COL11A1: variants seen among roughly 807,000 people sequenced by gnomAD.
The protein encoded by COL11A1 is collagen alpha-1(XI) chain.
Under a neutral mutation model 265.2 loss-of-function variants are expected in COL11A1, and 74 were observed. The ratio of observed to expected loss-of-function variants is 0.28; its 90% confidence interval spans 0.23 to 0.34. The LOEUF (loss-of-function observed/expected upper bound fraction) is 0.34, where lower values mean the gene tolerates loss of function less well. Ranked by LOEUF, COL11A1 falls within the 10% of genes least tolerant of loss-of-function variation. COL11A1 has a pLI of 1.00. For synonymous variants in COL11A1, 816 were observed against 727.6 expected (o/e 1.12, Z -1.96); for missense variants, 2,165 against 2,263.6 (o/e 0.96, Z 0.88).
Position 102,986,225 on chromosome 1 carries a change from T to G in COL11A1, c.2502+1408A>C, listed in dbSNP as rs1663528294. 2.0e-5 allele frequency among the ~76,000 whole-genome samples: 3 copies of G among 151,966 alleles called. No homozygotes were observed. In the East Asian group the frequency reaches 5.8e-4, roughly 29 times the overall value. ...GTGGCACATATACACCATGGAATAC[T>G]ATGCAGCCATAAAAATGATGAGTTC... On this transcript the variant is annotated intron_variant, in intron 30 of 66. Coordinates refer to ENST00000370096, the MANE Select transcript of COL11A1 (RefSeq NM_001854.4).
chr1:103,078,833 C>G lies in COL11A1; in HGVS notation c.313G>C (p.Val105Leu). ...FPEDFSILFT[V>L]KPKKGIQSFL... ...GACTGAATTCCTTTTTTTGGTTTTACTGTAAATAGTATTGAAAAGTCTTCT... is the reference window on the plus strand; with the variant it reads ...GACTGAATTCCTTTTTTTGGTTTTAGTGTAAATAGTATTGAAAAGTCTTCT... The change falls in exon 3 of 67, where the codon GTA becomes CTA. Residue 105 changes from valine (V) to leucine (L), a missense_variant. By Grantham distance (32) the Val-to-Leu change is conservative. Coordinates refer to ENST00000370096, the MANE Select transcript of COL11A1 (RefSeq NM_001854.4). The G allele has an allele frequency of 6.2e-7, 1 of 1,611,632 alleles. No homozygotes were observed. Among genetic ancestry groups the G allele is most frequent in the Non-Finnish European group, 8.5e-7 (1 of 1,178,432 alleles).
chr1:102,983,544 T>C (rs1406236128), intron 31 of COL11A1, among the ~76,000 whole-genome samples: 1 of 152,012 alleles, frequency 6.6e-6, no homozygotes, highest in Non-Finnish European at 1.5e-5. Flanking sequence ...AGCCAAGGAA[T>C]GCCTGGGGCC....
chr1:102,920,439 G>T, intron 48 of COL11A1, 75 bp from the exon 49 acceptor site: 1 of 1,317,476 alleles, frequency 7.6e-7, no homozygotes, highest in Non-Finnish European at 1.1e-6. Flanking sequence ...ATGTCTAGTT[G>T]TTCTCAAAAA....
intron 14 of COL11A1, among the ~76,000 whole-genome samples, chr1:103,010,902 G>A (rs1326648414): frequency 6.6e-6 from 1 of 152,070 alleles, no homozygotes; most frequent in Non-Finnish European, 1.5e-5. Context: ...GTTTCTCCAT[G>A]TTGGTCAGGC....
In COL11A1 at chr1:103,022,948, C is replaced by T. The variant is rs199942159; in HGVS notation, c.1039G>A (p.Asp347Asn). The change falls in exon 8 of 67, where the codon GAT (aspartate) becomes AAT (asparagine). Residue 347 changes from aspartate to asparagine, a missense_variant. By Grantham distance (23) the Asp-to-Asn change is conservative (BLOSUM62 1). Coordinates refer to ENST00000370096, the MANE Select transcript of COL11A1 (RefSeq NM_001854.4). ...GAATTTTTCCTCTGGGAATCATAAT[C>T]CTCTCCCGTTAGATATTCTTCAGTA... Reference protein sequence around the residue: ...IFTEEYLTGEDYDSQRKNSED... With the variant: ...IFTEEYLTGENYDSQRKNSED... 115 of 1,613,388 alleles carry T rather than the reference C, an allele frequency of 7.1e-5. No individual in the cohort carries two copies. Among genetic ancestry groups the T allele is most frequent in the Middle Eastern group, 6.6e-4 (4 of 6,054 alleles).
chr1:103,090,312 G>T (rs1470528543), intron 1 of COL11A1, among the ~76,000 whole-genome samples: 1 of 152,034 alleles, frequency 6.6e-6, no homozygotes, highest in African/African-American at 2.4e-5. Flanking sequence ...ACAGAAGAAA[G>T]TTCTCAGCCA....
At chr1:102,900,212 T>TA (rs1653013991) in intron 54 of COL11A1, among the ~76,000 whole-genome samples, 1 of 152,008 alleles carries the variant, frequency 6.6e-6, no homozygotes, top group Admixed American at 6.6e-5. Flanking sequence ...AACCCAAAGA[T>TA]AAAAAATGTA....
intron 45 of COL11A1, 67 bp from the exon 46 acceptor site, chr1:102,934,623 T>A: frequency 7.9e-7 from 1 of 1,263,886 alleles, no homozygotes; most frequent in Middle Eastern, 1.9e-4. Flanking sequence ...CATTAAAAAA[T>A]GTGGCCATTT....
At chr1:102,889,641 T>C in intron 58 of COL11A1, 79 bp from the exon 59 acceptor site, 1 of 1,023,476 alleles carries the variant, frequency 9.8e-7, no homozygotes, top group Admixed American at 1.9e-5. Flanking sequence ...TATTTGCACA[T>C]TAAATTTCTA....
intron 46 of COL11A1, among the ~76,000 whole-genome samples, chr1:102,931,669 A>T (rs1657463177): frequency 1.3e-5 from 2 of 151,724 alleles, no homozygotes; most frequent in Non-Finnish European, 2.9e-5. Context: ...TGTCTCGTTG[A>T]TCTGTCTAAT....
chr1:103,057,390 AT>A (rs1330675360), intron 4 of COL11A1, among the ~76,000 whole-genome samples: 4 of 152,152 alleles, frequency 2.6e-5, no homozygotes, highest in Admixed American at 2.6e-4. Flanking sequence ...CCGCATCGGC[AT>A]TGACTTCCCT....
intron 14 of COL11A1, among the ~76,000 whole-genome samples, chr1:103,010,703 AT>A (rs750645755): frequency 0.046 from 6,676 of 144,536 alleles, 223 homozygotes; most frequent in African/African-American, 0.098. Flanking sequence ...ATATTTGTAA[AT>A]TTTTTTTTTT....
intron 65 of COL11A1, 86 bp from the exon 66 acceptor site, chr1:102,880,002 G>T: frequency 3.4e-6 from 3 of 888,652 alleles, no homozygotes; most frequent in Non-Finnish European, 5.5e-6. Context: ...ACAGTGAACT[G>T]TGATGCCAGA....
chr1:102,905,894 CAAA>C (rs1653920480), intron 54 of COL11A1, among the ~76,000 whole-genome samples: 1 of 152,060 alleles, frequency 6.6e-6, no homozygotes, highest in Non-Finnish European at 1.5e-5. Context: ...CTGCTGAACT[CAAA>C]CAACAAAGCA....
At chr1:103,039,630 G>T (rs1409074040) in intron 4 of COL11A1, among the ~76,000 whole-genome samples, 2 of 152,004 alleles carry the variant, frequency 1.3e-5, no homozygotes, top group African/African-American at 2.4e-5. Context: ...CTGGATCTTG[G>T]ACTGGTAGCC....
intron 28 of COL11A1, among the ~76,000 whole-genome samples, chr1:102,993,080 C>T (rs1442109651): frequency 6.6e-6 from 1 of 152,106 alleles, no homozygotes; most frequent in Admixed American, 6.6e-5. Context: ...TTAACAACAT[C>T]CCCACCCCAG....
At chr1:102,979,758 T>C in intron 31 of COL11A1, 1 of 366,764 alleles carries the variant, frequency 2.7e-6, no homozygotes, top group South Asian at 2.4e-5. Flanking sequence ...TGTAAAATTC[T>C]TTGTATTTGC....
In COL11A1 at chr1:102,886,852, G is replaced by A. The variant is rs1162597563; in HGVS notation, c.4813C>T (p.Arg1605Ter). The change falls in exon 63 of 67, where the codon CGA becomes TGA. Residue 1605 changes from arginine (R) to a stop codon, truncating the protein, a stop_gained. Transcript: ENST00000370096. LOFTEE classifies it high-confidence loss of function. ...FPMGTQTNPA[R>*]TCKDLQLSHP... ...CTGAGTTGCAGGTCTTTACAAGTTC[G>A]GGCTGGATTGGTCTGAGTACCCATT... The A allele has an allele frequency of 2.5e-6, 4 of 1,613,708 alleles. No individual in the cohort carries two copies. The African/African-American group carries it at 5.3e-5, about 22-fold the overall frequency.
chr1:102,912,134 C>T, intron 54 of COL11A1, 25 bp downstream of exon 54: 1 of 1,592,450 alleles, frequency 6.3e-7, no homozygotes, highest in Non-Finnish European at 8.6e-7. Context: ...GCATATGTTT[C>T]AAATAAAGAA....
Sources: allele counts gnomAD v4.1 joint callset (sites outside exome capture counted in the v4.1 genomes callset), GRCh38; gene constraint gnomAD v4.1.1; transcripts MANE v1.5; gene names NCBI Gene and HGNC (gene_info 2026-07-23, HGNC 2026-07-21).